C12orf42: variants seen among roughly 807,000 people sequenced by gnomAD.
C12orf42 encodes the protein chromosome 12 open reading frame 42.
C12orf42 carries 25 observed loss-of-function variants against 21.6 expected under a neutral mutation model. That is an observed-to-expected ratio of 1.16 (90% CI 0.84 to 1.62). The LOEUF (loss-of-function observed/expected upper bound fraction) is 1.62, where lower values mean the gene tolerates loss of function less well. Among genes scored for constraint, C12orf42 ranks in the 40% most tolerant of loss-of-function variants. C12orf42 has a pLI of 0.00. For synonymous variants in C12orf42, 174 were observed against 175.0 expected, an observed-to-expected ratio of 0.99 and a Z score of 0.05; for missense variants, 483 against 459.3, an observed-to-expected ratio of 1.05 and a Z score of -0.47.
the C12orf42 span, among the ~76,000 whole-genome samples, chr12:103,501,282 CA>C: frequency 6.6e-6 from 1 of 151,444 alleles, no homozygotes; most frequent in Non-Finnish European, 1.5e-5. Flanking sequence ...CTGGGAGTGT[CA>C]AAAAAAGGGG....
the C12orf42 span, among the ~76,000 whole-genome samples, chr12:103,563,095 T>C: frequency 6.6e-6 from 1 of 152,326 alleles, no homozygotes; most frequent in East Asian, 1.9e-4. Context: ...GCTTCTAGTG[T>C]ACCAAGTTTG....
rs774180042 is a variant in C12orf42 at position 103,368,867 on chromosome 12, G to A, written c.259+20C>T. On this transcript the variant is annotated intron_variant, in intron 4 of 5. Coordinates refer to ENST00000548883, the MANE Select transcript of C12orf42 (RefSeq NM_198521.5). ...TTCTTTGGAAACTCTGGTCTGTCTTGGGATTATGTCTTAATTTACCTGGAA... is the reference window on the plus strand; with the variant it reads ...TTCTTTGGAAACTCTGGTCTGTCTTAGGATTATGTCTTAATTTACCTGGAA... The A allele has an allele frequency of 5.3e-6, 7 of 1,322,742 alleles. No individual in the cohort carries two copies. In the South Asian group the frequency reaches 7.6e-5, roughly 14 times the overall value. 81.9% of individuals were successfully genotyped at this position (1,322,742 alleles called of 1,614,324 possible). A position where few individuals can be genotyped will look rare whatever the true frequency, so the allele number is the denominator to read the frequency against.
the C12orf42 span, among the ~76,000 whole-genome samples, chr12:103,554,923 G>A: frequency 6.6e-6 from 1 of 152,074 alleles, no homozygotes; most frequent in Non-Finnish European, 1.5e-5. Flanking sequence ...CCATATCAGG[G>A]AGGTAATGTG....
At chr12:103,430,062 G>A (rs959613268) in intron 2 of C12orf42, among the ~76,000 whole-genome samples, 2 of 152,158 alleles carry the variant, frequency 1.3e-5, no homozygotes, top group Non-Finnish European at 2.9e-5. Flanking sequence ...ATAGGCATGG[G>A]CAAAGACCTC....
chr12:103,204,476 A>T, the C12orf42 span, among the ~76,000 whole-genome samples: 90 of 152,320 alleles, frequency 5.9e-4, no homozygotes, highest in East Asian at 0.013. Flanking sequence ...GTACATTTTT[A>T]TATCTTTGCA....
the C12orf42 span, among the ~76,000 whole-genome samples, chr12:103,218,224 G>A: frequency 6.5e-4 from 99 of 151,158 alleles, no homozygotes; most frequent in Non-Finnish European, 9.3e-4. Flanking sequence ...AAGTTGCGGT[G>A]AGTGGAGATC....
At chr12:103,523,517 T>C in the C12orf42 span, among the ~76,000 whole-genome samples, 2 of 151,658 alleles carry the variant, frequency 1.3e-5, no homozygotes, top group Non-Finnish European at 2.9e-5. Context: ...AATGCTGTAG[T>C]TGCTTAATGA....
At chr12:103,183,057 G>A in the C12orf42 span, among the ~76,000 whole-genome samples, 2 of 152,158 alleles carry the variant, frequency 1.3e-5, no homozygotes, top group South Asian at 2.1e-4. Context: ...TATAAAGTTG[G>A]TTTAATTGCA....
chr12:103,446,232 T>C (rs140312099), intron 2 of C12orf42, among the ~76,000 whole-genome samples: 2,514 of 151,952 alleles, frequency 0.017, 29 homozygotes, highest in Non-Finnish European at 0.023. Context: ...ACAAAGCAAT[T>C]ATCAGCAAAG....
At chr12:103,225,427 C>A in the C12orf42 span, among the ~76,000 whole-genome samples, 1,506 of 151,976 alleles carry the variant, frequency 9.9e-3, 9 homozygotes, top group Non-Finnish European at 0.013. Flanking sequence ...GGGATATTGG[C>A]GTTGAGTAGG....
At chr12:103,554,947 G>T in the C12orf42 span, among the ~76,000 whole-genome samples, 1 of 152,094 alleles carries the variant, frequency 6.6e-6, no homozygotes, top group Non-Finnish European at 1.5e-5. Context: ...TATCCTTAGG[G>T]GATCTGGGAA....
downstream of C12orf42, among the ~76,000 whole-genome samples, chr12:103,297,614 A>C (rs1470509543): frequency 1.3e-5 from 2 of 152,098 alleles, no homozygotes; most frequent in Non-Finnish European, 2.9e-5. Flanking sequence ...TGAGGCCAGC[A>C]TCATCCTGAT....
the C12orf42 span, among the ~76,000 whole-genome samples, chr12:103,502,427 T>C: frequency 3.9e-5 from 6 of 152,282 alleles, no homozygotes; most frequent in East Asian, 1.2e-3. Context: ...TAAGGAATGG[T>C]GTGGTTTGGA....
chr12:103,236,864 A>G (rs2033484374), downstream of C12orf42, among the ~76,000 whole-genome samples: 1 of 152,156 alleles, frequency 6.6e-6, no homozygotes, highest in South Asian at 2.1e-4. Context: ...GAAGGAAGAA[A>G]ATCAATCTTT....
At chr12:103,349,670 C>A (rs1487981876) in intron 4 of C12orf42, among the ~76,000 whole-genome samples, 3 of 151,974 alleles carry the variant, frequency 2.0e-5, no homozygotes, top group Non-Finnish European at 2.9e-5. Flanking sequence ...AGATTGGTAC[C>A]ATGCTTCTTT....
At chr12:103,086,374 G>GA in the C12orf42 span, among the ~76,000 whole-genome samples, 39 of 148,772 alleles carry the variant, frequency 2.6e-4, no homozygotes, top group South Asian at 4.5e-3. Flanking sequence ...GGTTTAAGAT[G>GA]AAAAAAAAAG....
chr12:103,295,023 T>C (rs891659548), intron 4 of C12orf42, among the ~76,000 whole-genome samples: 9 of 152,180 alleles, frequency 5.9e-5, no homozygotes, highest in Non-Finnish European at 1.0e-4. Context: ...ATGGGATATT[T>C]GGTTTTCTGT....
chr12:103,508,485 T>C, the C12orf42 span, among the ~76,000 whole-genome samples: 1 of 152,184 alleles, frequency 6.6e-6, no homozygotes, highest in African/African-American at 2.4e-5. Context: ...CAAATTTGAA[T>C]ACCCATAACC....
At chr12:103,515,304 A>T in the C12orf42 span, among the ~76,000 whole-genome samples, 1 of 152,218 alleles carries the variant, frequency 6.6e-6, no homozygotes, top group Admixed American at 6.5e-5. Context: ...GAGGTAAAAA[A>T]ATGCATAGTG....
Sources: allele counts gnomAD v4.1 joint callset (sites outside exome capture counted in the v4.1 genomes callset), GRCh38; gene constraint gnomAD v4.1.1; transcripts MANE v1.5; gene names NCBI Gene and HGNC (gene_info 2026-07-23, HGNC 2026-07-21).